The following FGF14 variants were observed in gnomAD, a reference collection of about 807,000 sequenced individuals.
FGF14 encodes the protein fibroblast growth factor 14.
In FGF14, 5 loss-of-function variants were observed where a neutral mutation model predicts 25.5. The observed-to-expected ratio is 0.20, with a 90% CI of 0.10 to 0.41. FGF14 has a LOEUF of 0.41. Among genes scored for constraint, FGF14 ranks in the 10% least tolerant of loss-of-function variants. The probability of loss-of-function intolerance (pLI) is 1.00; values close to 1 mark genes in which losing one functional copy is unlikely to be tolerated. For synonymous variants in FGF14, 138 were observed against 118.3 expected (o/e 1.17, Z -1.08); for missense variants, 222 against 320.1 (o/e 0.69, Z 2.34).
chr13:102,286,146 G>C (rs2054086555), intron 1 of FGF14, among the ~76,000 whole-genome samples: 1 of 152,092 alleles, frequency 6.6e-6, no homozygotes, highest in African/African-American at 2.4e-5. Flanking sequence ...TTTATTTAGG[G>C]GCCAGCGTTC....
intron 1 of FGF14, among the ~76,000 whole-genome samples, chr13:102,268,450 T>C (rs116730057): frequency 0.013 from 1,917 of 152,224 alleles, 39 homozygotes; most frequent in African/African-American, 0.043. Context: ...CCAAAATATG[T>C]AGACATTATA....
chr13:102,336,425 G>A (rs980483443), intron 1 of FGF14, among the ~76,000 whole-genome samples: 9 of 152,036 alleles, frequency 5.9e-5, no homozygotes, highest in African/African-American at 2.2e-4. Flanking sequence ...GAGAGGTGAA[G>A]AAGCCACAGA....
intron 1 of FGF14, among the ~76,000 whole-genome samples, chr13:102,037,668 G>A (rs183142219): frequency 1.4e-4 from 21 of 152,234 alleles, no homozygotes; most frequent in African/African-American, 4.8e-4. Flanking sequence ...TTCATCAAAC[G>A]TCAGCAGTTT....
At chr13:102,001,381 G>A (rs1419956641) in intron 1 of FGF14, among the ~76,000 whole-genome samples, 3 of 152,124 alleles carry the variant, frequency 2.0e-5, no homozygotes, top group Non-Finnish European at 2.9e-5. Flanking sequence ...CCTTATGACA[G>A]GAAAACCAGC....
chr13:102,157,511 G>A (rs1018294014), intron 1 of FGF14, among the ~76,000 whole-genome samples: 17 of 152,150 alleles, frequency 1.1e-4, no homozygotes, highest in African/African-American at 3.6e-4. Context: ...ATTAATTCAA[G>A]ATGTATTAAA....
At position 101,719,184 on chromosome 13, in the gene FGF14, TAAAG is replaced by T. The variant is rs1436100205; in HGVS notation, c.*3643_*3646del. Reference sequence around the variant, plus strand: ...TGAAGTGATACGTGTCTAACTTACTTAAAGAATAAGTTTTTGGTTTTTGCTTTTA... The same window carrying T: ...TGAAGTGATACGTGTCTAACTTACTTAATAAGTTTTTGGTTTTTGCTTTTA... On this transcript the variant is annotated 3_prime_UTR_variant, in exon 5 of 5. Transcript: ENST00000376143. 1 of 152,172 alleles carries T rather than the reference TAAAG, an allele frequency of 6.6e-6. No homozygotes were observed. The highest frequency in any genetic ancestry group is 2.4e-5 in the African/African-American group (1 of 41,448). 9.4% of individuals were successfully genotyped at this position (152,172 alleles called of 1,614,324 possible).
chr13:102,213,584 T>C (rs767270229), intron 1 of FGF14, among the ~76,000 whole-genome samples: 4 of 152,186 alleles, frequency 2.6e-5, no homozygotes, highest in African/African-American at 4.8e-5. Context: ...CCTTGAAATA[T>C]TGTATACATT....
At chr13:102,027,501 C>T (rs2139910129) in intron 1 of FGF14, among the ~76,000 whole-genome samples, 1 of 152,144 alleles carries the variant, frequency 6.6e-6, no homozygotes, top group East Asian at 1.9e-4. Flanking sequence ...ATATTTTACA[C>T]ACCATGTTGC....
intron 3 of FGF14, among the ~76,000 whole-genome samples, chr13:101,754,149 G>C (rs2037488138): frequency 6.6e-6 from 1 of 152,108 alleles, no homozygotes; most frequent in Non-Finnish European, 1.5e-5. Flanking sequence ...GTGTCTCCTA[G>C]GCTGTTTCTC....
intron 1 of FGF14, among the ~76,000 whole-genome samples, chr13:101,945,996 A>AT (rs1303752824): frequency 6.6e-6 from 1 of 152,188 alleles, no homozygotes; most frequent in African/African-American, 2.4e-5. Context: ...GCCTTAATCA[A>AT]TTCTTAATCA....
At chr13:102,030,648 G>A (rs1466601098) in intron 1 of FGF14, among the ~76,000 whole-genome samples, 10 of 151,986 alleles carry the variant, frequency 6.6e-5, no homozygotes, top group Admixed American at 3.3e-4. Flanking sequence ...CCAGGCGTAC[G>A]GCTTCACTGA....
In FGF14 at chr13:102,294,298, G is replaced by A. The variant is rs536044694; in HGVS notation, c.208+107173C>T. ...TAAAATAACAGGCCTTTTCTCCATTGCTTAATCTTCATCTTCCACTGACTT... is the reference window on the plus strand; with the variant it reads ...TAAAATAACAGGCCTTTTCTCCATTACTTAATCTTCATCTTCCACTGACTT... On this transcript the variant is annotated intron_variant, in intron 1 of 4. Transcript: ENST00000376131. Among the ~76,000 whole-genome samples the A allele has an allele frequency of 2.0e-5, 3 of 151,190 alleles. No individual in the cohort carries two copies. The East Asian group carries it at 5.8e-4, about 29-fold the overall frequency.
At chr13:102,289,008 C>T (rs1426944061) in intron 1 of FGF14, among the ~76,000 whole-genome samples, 1 of 151,864 alleles carries the variant, frequency 6.6e-6, no homozygotes, top group African/African-American at 2.4e-5. Context: ...CCAATGAAAG[C>T]CTGGGCATTA....
chr13:101,972,321 G>T (rs1023929946), intron 1 of FGF14, among the ~76,000 whole-genome samples: 4 of 152,144 alleles, frequency 2.6e-5, no homozygotes, highest in African/African-American at 9.7e-5. Flanking sequence ...CTGACTCAGG[G>T]TGTTTCAAAG....
At chr13:102,220,202 T>G (rs2140952734) in intron 1 of FGF14, among the ~76,000 whole-genome samples, 1 of 152,280 alleles carries the variant, frequency 6.6e-6, no homozygotes, top group Non-Finnish European at 1.5e-5. Flanking sequence ...AGAAAAGTGC[T>G]TTTACTTGAG....
chr13:102,367,225 A>T (rs2057740198), intron 1 of FGF14: 1 of 152,198 alleles, frequency 6.6e-6, no homozygotes, highest in African/African-American at 2.4e-5. Context: ...GCCTGGGCTC[A>T]GCCATCTGAA....
chr13:102,228,873 C>T (rs1458958963), intron 1 of FGF14, among the ~76,000 whole-genome samples: 1 of 152,164 alleles, frequency 6.6e-6, no homozygotes, highest in Non-Finnish European at 1.5e-5. Flanking sequence ...CCTCCTCTTC[C>T]ATTGTTAGGT....
chr13:102,014,765 T>A (rs931231105), intron 1 of FGF14, among the ~76,000 whole-genome samples: 1 of 152,158 alleles, frequency 6.6e-6, no homozygotes, highest in African/African-American at 2.4e-5. Flanking sequence ...AAATAAAATA[T>A]GACAAACTTA....
chr13:101,733,237 G>A (rs2035927924), intron 3 of FGF14, among the ~76,000 whole-genome samples: 1 of 151,860 alleles, frequency 6.6e-6, no homozygotes, highest in Non-Finnish European at 1.5e-5. Context: ...ATGCCCACAG[G>A]AGAAAAAAAA....
Sources: allele counts gnomAD v4.1 joint callset (sites outside exome capture counted in the v4.1 genomes callset), GRCh38; gene constraint gnomAD v4.1.1; transcripts MANE v1.5; gene names NCBI Gene and HGNC (gene_info 2026-07-23, HGNC 2026-07-21).